STAMBPL1: variants seen among roughly 807,000 people sequenced by gnomAD.
The protein encoded by STAMBPL1 is AMSH-like protease.
In STAMBPL1, 44 loss-of-function variants were observed where a neutral mutation model predicts 52.9. The ratio of observed to expected loss-of-function variants is 0.83; its 90% CI spans 0.65 to 1.07. The LOEUF is 1.07. STAMBPL1 is among the 50% of genes least tolerant of loss of function. The probability of loss-of-function intolerance (pLI) is 0.00; values close to 1 mark genes in which losing one functional copy is unlikely to be tolerated. For synonymous variants in STAMBPL1, 164 were observed against 177.3 expected, an observed-to-expected ratio of 0.92 and a Z score of 0.60; for missense variants, 511 against 520.8, an observed-to-expected ratio of 0.98 and a Z score of 0.18.
At position 88,897,985 on chromosome 10, in the gene STAMBPL1, A is replaced by T. The variant is rs150966224; in HGVS notation, c.-53-3671A>T. ...CACAGTAGCACAAATGGCAAGTGGT[A>T]CTTGCTGTTAATTTTTCCTGTTTTA... On this transcript the variant is annotated intron_variant, in intron 1 of 10. Transcript: ENST00000371926. Among the ~76,000 whole-genome samples the T allele has an allele frequency of 2.8e-3, 422 of 152,300 alleles. 7 individuals carry two copies. Among genetic ancestry groups the T allele is most frequent in the Admixed American group, 0.026 (399 of 15,286 alleles).
rs764997493 is a variant in STAMBPL1, at chr10:88,916,826, G to C, written c.1041+9G>C. 3 of 1,538,360 alleles carry C rather than the reference G, an allele frequency of 2.0e-6. No homozygotes were observed. The highest frequency in any genetic ancestry group is 2.6e-6 in the Non-Finnish European group (3 of 1,141,196). ...CTCTAGGATGGATCCATGTACGTTT[G>C]ACCTTTTGGGTTTCAGTTTTTTTGT... On this transcript the variant is annotated intron_variant, in intron 8 of 10. Coordinates refer to ENST00000371926, the MANE Select transcript of STAMBPL1 (RefSeq NM_020799.4).
At chr10:88,920,037 G>T (rs1845470719) in intron 8 of STAMBPL1, among the ~76,000 whole-genome samples, 1 of 152,104 alleles carries the variant, frequency 6.6e-6, no homozygotes, top group Non-Finnish European at 1.5e-5. Context: ...GTTTTGGAGA[G>T]ATGGAGTCTA....
intron 3 of STAMBPL1, among the ~76,000 whole-genome samples, 153 bp downstream of exon 3, chr10:88,905,813 A>T (rs958658706): frequency 1.3e-5 from 2 of 152,178 alleles, no homozygotes; most frequent in African/African-American, 4.8e-5. Context: ...TAAATTACCA[A>T]CTAATGTACT....
intron 1 of STAMBPL1, among the ~76,000 whole-genome samples, chr10:88,898,961 C>T (rs1229859172): frequency 6.6e-6 from 1 of 152,192 alleles, no homozygotes; most frequent in Non-Finnish European, 1.5e-5. Context: ...AAGTACATGG[C>T]GGCTGCACAT....
intron 1 of STAMBPL1, 69 bp from the exon 2 acceptor site, chr10:88,901,587 C>G (rs780222030): frequency 5.6e-6 from 5 of 898,850 alleles, no homozygotes; most frequent in Non-Finnish European, 8.6e-6. Context: ...AGAGATAACC[C>G]TGGGGTTTGG....
At chr10:88,908,800 C>T (rs1564629640) in intron 4 of STAMBPL1, 23 bp downstream of exon 4, 2 of 1,576,212 alleles carry the variant, frequency 1.3e-6, no homozygotes, top group Non-Finnish European at 8.6e-7. Flanking sequence ...TTCTTCTCCA[C>T]TGTGGAATCA....
In STAMBPL1 at chr10:88,916,504, T is replaced by C. The variant is rs1845372679; in HGVS notation, c.904-176T>C. Among the ~76,000 whole-genome samples the C allele has an allele frequency of 2.0e-5, 3 of 147,632 alleles. No individual in the cohort carries two copies. In the Middle Eastern group the frequency reaches 0.01, roughly 506 times the overall value. On this transcript the variant is annotated intron_variant, in intron 7 of 10. Coordinates refer to ENST00000371926, the MANE Select transcript of STAMBPL1 (RefSeq NM_020799.4). Reference sequence around the variant, plus strand: ...CCATTTTTACTGTTGGGACTTTGTTTTTGAATTGGAAAGGGTGGTGTGTCC... The same window carrying C: ...CCATTTTTACTGTTGGGACTTTGTTCTTGAATTGGAAAGGGTGGTGTGTCC...
intron 1 of STAMBPL1, among the ~76,000 whole-genome samples, chr10:88,900,047 G>GT (rs1844907436): frequency 6.6e-6 from 1 of 152,158 alleles, no homozygotes; most frequent in Non-Finnish European, 1.5e-5. Context: ...GATGAACCAT[G>GT]TTTTTTCTTT....
At chr10:88,916,169 G>A (rs987776476) in intron 7 of STAMBPL1, among the ~76,000 whole-genome samples, 1 of 151,946 alleles carries the variant, frequency 6.6e-6, no homozygotes, top group African/African-American at 2.4e-5. Context: ...CCCAGCATTC[G>A]AAGAATGTCT....
intron 8 of STAMBPL1, 131 bp downstream of exon 8, chr10:88,916,948 TTAAG>T (rs1429467760): frequency 1.0e-6 from 1 of 964,852 alleles, no homozygotes; most frequent in Non-Finnish European, 1.5e-6. Flanking sequence ...AGGTTGTCAT[TTAAG>T]TAGTGGTTCT....
At position 88,887,571 on chromosome 10, in the gene STAMBPL1, C is replaced by T. The variant is rs1844568602; in HGVS notation, c.-54+6933C>T. Among the ~76,000 whole-genome samples the T allele has an allele frequency of 2.0e-5, 3 of 152,206 alleles. No homozygotes were observed. The South Asian group carries it at 6.2e-4, about 31-fold the overall frequency. On this transcript the variant is annotated intron_variant, in intron 1 of 10. Transcript: ENST00000371926. ...AAAACAAGGGTCGTGGTCTGTCACC[C>T]AGGCTGGAATGCAATGGCGTGATCA...
intron 1 of STAMBPL1, among the ~76,000 whole-genome samples, chr10:88,899,968 A>C (rs1165874283): frequency 1.3e-5 from 2 of 152,160 alleles, no homozygotes; most frequent in Non-Finnish European, 2.9e-5. Flanking sequence ...AGAAGTATTA[A>C]TTCCTCAGTT....
Position 88,910,905 on chromosome 10 carries a change from AT to A in STAMBPL1, c.325-6del. ...ATCCCACTAATCAATATGTATATAT[AT>A]TTTTAAAAGAAACTGAAGGAGATTG... On this transcript the variant is annotated splice_polypyrimidine_tract_variant and intron_variant, in intron 4 of 10. Transcript: ENST00000371926. 1 of 1,561,054 alleles carries A rather than the reference AT, an allele frequency of 6.4e-7. No homozygotes were observed. The highest frequency in any genetic ancestry group is 1.4e-5 in the African/African-American group (1 of 72,382).
intron 3 of STAMBPL1, among the ~76,000 whole-genome samples, chr10:88,908,244 G>A (rs1248473062): frequency 6.6e-6 from 1 of 152,100 alleles, no homozygotes; most frequent in East Asian, 1.9e-4. Flanking sequence ...TTAGTTATGA[G>A]TTTTCGGTTA....
At position 88,913,317 on chromosome 10, in the gene STAMBPL1, T is replaced by C; in HGVS notation, c.637T>C (p.Cys213Arg). 6.2e-7 allele frequency: 1 copy of C among 1,613,952 alleles called. No individual in the cohort carries two copies. Among genetic ancestry groups the C allele is most frequent in the African/African-American group, 1.3e-5 (1 of 75,034 alleles). Residue 213 changes from cysteine to arginine, a missense_variant, in exon 6 of 11, where the codon TGC (cysteine) becomes CGC (arginine). Coordinates refer to ENST00000371926, the MANE Select transcript of STAMBPL1 (RefSeq NM_020799.4). ...SEQIDGSALS[C>R]FSTHQNNSLL... is the part of the protein sequence containing the mutation. ...GCAGATTGATGGGAGCGCTTTGTCC[T>C]GCTTTTCCACACACCAGAACAATTC...
At chr10:88,895,568 T>G (rs1468153661) in intron 1 of STAMBPL1, among the ~76,000 whole-genome samples, 1 of 152,252 alleles carries the variant, frequency 6.6e-6, no homozygotes, top group African/African-American at 2.4e-5. Context: ...CTGATTTTCT[T>G]TGAGTTTCTT....
At chr10:88,888,182 G>A (rs1315486705) in intron 1 of STAMBPL1, among the ~76,000 whole-genome samples, 2 of 152,158 alleles carry the variant, frequency 1.3e-5, no homozygotes, top group African/African-American at 4.8e-5. Context: ...TTTGATCAAA[G>A]GAAAGTAAGA....
At chr10:88,915,560 G>A (rs1561742) in intron 7 of STAMBPL1, among the ~76,000 whole-genome samples, 92,980 of 152,102 alleles carry the variant, frequency 0.61, 29,113 homozygotes, top group East Asian at 0.9. Context: ...ATTCAGATTG[G>A]TTGACTGATT....
intron 5 of STAMBPL1, among the ~76,000 whole-genome samples, chr10:88,911,380 C>T (rs1263662492): frequency 6.6e-6 from 1 of 152,160 alleles, no homozygotes; most frequent in Non-Finnish European, 1.5e-5. Context: ...TCTGATGTGC[C>T]TAATGATGTA....
Sources: gnomAD v4.1 joint callset for allele counts (sites outside exome capture counted in the v4.1 genomes callset) on GRCh38, gnomAD v4.1.1 for gene constraint, MANE v1.5 for transcripts, NCBI Gene and HGNC (gene_info 2026-07-23, HGNC 2026-07-21) for gene names.